PID1: variants seen among roughly 807,000 people sequenced by gnomAD.
PID1 encodes the protein phosphotyrosine interaction domain containing 1.
Under a neutral mutation model 19.1 loss-of-function variants are expected in PID1, and 10 were observed. The ratio of observed to expected loss-of-function variants is 0.52; its 90% CI spans 0.32 to 0.89. The LOEUF (loss-of-function observed/expected upper bound fraction) is 0.89, where lower values mean the gene tolerates loss of function less well. Ranked by LOEUF, PID1 falls within the 40% of genes least tolerant of loss-of-function variation. PID1 has a pLI of 0.03. For synonymous variants in PID1, 130 were observed against 116.0 expected, an observed-to-expected ratio of 1.12 and a Z score of -0.78; for missense variants, 248 against 285.3, an observed-to-expected ratio of 0.87 and a Z score of 0.94.
intron 1 of PID1, among the ~76,000 whole-genome samples, chr2:229,267,728 G>C (rs1366643912): frequency 1.3e-5 from 2 of 152,078 alleles, no homozygotes; most frequent in Non-Finnish European, 1.5e-5. Flanking sequence ...ACTTCTGAGG[G>C]ATCCACCCAG....
At chr2:229,193,678 G>A (rs1282577062) in intron 1 of PID1, among the ~76,000 whole-genome samples, 2 of 151,944 alleles carry the variant, frequency 1.3e-5, no homozygotes. Context: ...GTGTGTGAGT[G>A]TGTGAGAGAG....
intron 1 of PID1, among the ~76,000 whole-genome samples, chr2:229,250,650 G>A (rs1690126681): frequency 6.6e-6 from 1 of 152,166 alleles, no homozygotes; most frequent in Non-Finnish European, 1.5e-5. Flanking sequence ...GGGCAAAAAA[G>A]TGCCCAGTTA....
intron 1 of PID1, among the ~76,000 whole-genome samples, chr2:229,241,179 G>A (rs1413289623): frequency 6.6e-6 from 1 of 152,146 alleles, no homozygotes; most frequent in South Asian, 2.1e-4. Flanking sequence ...CCACAGCTGT[G>A]TCTTCTTAGG....
intron 1 of PID1, among the ~76,000 whole-genome samples, chr2:229,204,250 GA>G (rs908846411): frequency 2.6e-5 from 4 of 152,044 alleles, no homozygotes; most frequent in African/African-American, 9.7e-5. Context: ...TGACAAGCAA[GA>G]AATGAGAGTG....
intron 2 of PID1, among the ~76,000 whole-genome samples, chr2:229,063,193 T>C (rs944841525): frequency 6.6e-6 from 1 of 152,068 alleles, no homozygotes; most frequent in Non-Finnish European, 1.5e-5. Flanking sequence ...CTTTTTCTAG[T>C]TCCCTGAAGT....
intron 1 of PID1, chr2:229,244,756 T>C (rs531213168): frequency 1.3e-5 from 2 of 152,260 alleles, no homozygotes; most frequent in South Asian, 4.1e-4. Flanking sequence ...AGTAAAACCA[T>C]GGACTCTTCC....
At chr2:229,213,139 T>C (rs1246020254) in intron 1 of PID1, among the ~76,000 whole-genome samples, 3 of 152,300 alleles carry the variant, frequency 2.0e-5, no homozygotes, top group Admixed American at 6.5e-5. Context: ...TGTGACTTAC[T>C]ACCTTAAAGC....
At chr2:229,164,552 A>G (rs1690560772) in intron 1 of PID1, among the ~76,000 whole-genome samples, 1 of 152,174 alleles carries the variant, frequency 6.6e-6, no homozygotes, top group Admixed American at 6.5e-5. Context: ...ACTGAATACA[A>G]TTAAAATGCT....
intron 1 of PID1, among the ~76,000 whole-genome samples, chr2:229,157,904 C>T (rs1186739172): frequency 1.3e-5 from 2 of 152,166 alleles, no homozygotes; most frequent in Non-Finnish European, 1.5e-5. Flanking sequence ...TCCTTTCAGT[C>T]CTTCCTTACT....
intron 2 of PID1, among the ~76,000 whole-genome samples, chr2:229,125,287 C>G (rs1695600226): frequency 6.6e-6 from 1 of 152,016 alleles, no homozygotes; most frequent in Non-Finnish European, 1.5e-5. Flanking sequence ...TGAATCAGAG[C>G]CCTCCAGCAA....
intron 1 of PID1, chr2:229,262,797 C>T (rs1181028439): frequency 1.3e-6 from 2 of 1,551,374 alleles, no homozygotes; most frequent in Non-Finnish European, 8.7e-7. Flanking sequence ...TGCCAGCAAT[C>T]CTTGGCATTC....
rs1691908603 is a variant in PID1, at chr2:229,218,993, ATCT to A, written c.30+52018_30+52020del. ...AAAGGTCAGGATATGCTAAATTGAA[ATCT>A]TCTCCTGAAGCCAGTCTCTCAAGCC... On this transcript the variant is annotated intron_variant, in intron 1 of 2. Transcript: ENST00000392055. 2.0e-5 allele frequency among the ~76,000 whole-genome samples: 3 copies of A among 152,294 alleles called. No homozygotes were observed. In the South Asian group the frequency reaches 6.2e-4, roughly 32 times the overall value.
At position 229,131,811 on chromosome 2, in the gene PID1, A is replaced by G. The variant is rs73998558; in HGVS notation, c.177+24007T>C. Among the ~76,000 whole-genome samples the G allele has an allele frequency of 5.2e-3, 790 of 152,222 alleles. 11 individuals carry two copies. Among genetic ancestry groups the G allele is most frequent in the African/African-American group, 0.018 (755 of 41,534 alleles). On this transcript the variant is annotated intron_variant, in intron 2 of 2. Transcript: ENST00000392055. ...AAGCGTTTGTTTTGTGAAAAATGCAACAAGACTCCGTCTCGGTGGAAAGAT... is the reference window on the plus strand; with the variant it reads ...AAGCGTTTGTTTTGTGAAAAATGCAGCAAGACTCCGTCTCGGTGGAAAGAT...
chr2:229,187,999 C>T (rs1294638031), intron 1 of PID1, among the ~76,000 whole-genome samples: 4 of 152,108 alleles, frequency 2.6e-5, no homozygotes, highest in Non-Finnish European at 5.9e-5. Context: ...ATATGTTTAC[C>T]CTTCACATTC....
At chr2:229,090,320 G>A (rs1694846899) in intron 2 of PID1, among the ~76,000 whole-genome samples, 1 of 152,188 alleles carries the variant, frequency 6.6e-6, no homozygotes, top group African/African-American at 2.4e-5. Context: ...TTTAATTAAT[G>A]CCATTTGATT....
intron 2 of PID1, among the ~76,000 whole-genome samples, chr2:229,130,172 A>G (rs1689701477): frequency 6.6e-6 from 1 of 152,194 alleles, no homozygotes; most frequent in South Asian, 2.1e-4. Context: ...GTGAATCACA[A>G]CTTTGACTAA....
chr2:229,266,668 G>GTTCAT (rs1690598719), intron 1 of PID1, among the ~76,000 whole-genome samples: 1 of 152,222 alleles, frequency 6.6e-6, no homozygotes, highest in Non-Finnish European at 1.5e-5. Context: ...CTCCAGCTCA[G>GTTCAT]TTCATTTCTA....
intron 1 of PID1, among the ~76,000 whole-genome samples, chr2:229,241,843 A>G (rs1306238598): frequency 1.3e-5 from 2 of 152,142 alleles, no homozygotes; most frequent in Non-Finnish European, 2.9e-5. Context: ...CAAAATGCTT[A>G]CATATAATAC....
At chr2:229,133,624 A>G (rs1689790061) in intron 2 of PID1, among the ~76,000 whole-genome samples, 1 of 152,208 alleles carries the variant, frequency 6.6e-6, no homozygotes, top group African/African-American at 2.4e-5. Context: ...CCTGAAAGTA[A>G]ATTAATTCTT....
Sources: gnomAD v4.1 joint callset for allele counts (sites outside exome capture counted in the v4.1 genomes callset) on GRCh38, gnomAD v4.1.1 for gene constraint, MANE v1.5 for transcripts, NCBI Gene and HGNC (gene_info 2026-07-23, HGNC 2026-07-21) for gene names.